The following C4orf50 variants were observed in gnomAD, a reference collection of about 807,000 sequenced individuals.
The protein encoded by C4orf50 is chromosome 4 open reading frame 50.
A neutral mutation model predicts 77.2 loss-of-function variants in C4orf50; 80 were observed. The observed-to-expected ratio is 1.04, with a 90% CI of 0.87 to 1.25. The LOEUF is 1.25. Among genes scored for constraint, C4orf50 ranks in the 50% most tolerant of loss-of-function variants. C4orf50 has a pLI of 0.00. For synonymous variants in C4orf50, 532 were observed against 465.3 expected (o/e 1.14, Z -1.84); for missense variants, 1,257 against 1,152.9 (o/e 1.09, Z -1.31).
Position 6,017,897 on chromosome 4 carries a change from GCCT to G in C4orf50, c.287+245_287+247del, listed in dbSNP as rs1560607866. On this transcript the variant is annotated intron_variant, in intron 23 of 33. Transcript: ENST00000531445. This position sits in a 1 kb window ranked among gnomAD's most constrained non-coding sequence, Gnocchi z 4.7. ...TCTCCCTGCCTCCCTCCGTTTCAGG[GCCT>G]CCCATTGGCTGCACCTAAATGGAAG... 6.6e-6 allele frequency among the ~76,000 whole-genome samples: 1 copy of G among 152,112 alleles called. No homozygotes were observed. Among genetic ancestry groups the G allele is most frequent in the Non-Finnish European group, 1.5e-5 (1 of 68,010 alleles).
In C4orf50 at chr4:5,916,532, C is replaced by T. The variant is rs1049941000; in HGVS notation, c.*2475-18344G>A. ...GTTGCCTTCAGGGCAGGGTGACTCA[C>T]CCAAGGGCAAAGCTATTACTCTGCA... On this transcript the variant is annotated intron_variant, in intron 7 of 7. Transcript: ENST00000324058. This position sits in a 1 kb window ranked among gnomAD's most constrained non-coding sequence, Gnocchi z 4.4. Among the ~76,000 whole-genome samples the T allele has an allele frequency of 1.3e-5, 2 of 152,166 alleles. No individual in the cohort carries two copies. The highest frequency in any genetic ancestry group is 6.5e-5 in the Admixed American group (1 of 15,276).
intron 7 of C4orf50, among the ~76,000 whole-genome samples, chr4:5,925,472 C>T (rs561712083): frequency 3.0e-4 from 45 of 152,202 alleles, no homozygotes; most frequent in Non-Finnish European, 5.4e-4. Context: ...GCCTCAGGAC[C>T]GATGGTCACC....
intron 7 of C4orf50, among the ~76,000 whole-genome samples, chr4:5,940,585 T>C (rs1718217848): frequency 1.3e-5 from 2 of 152,178 alleles, no homozygotes; most frequent in African/African-American, 2.4e-5. Context: ...TTCCTGCCAG[T>C]GAAGGACTGT....
In C4orf50 at chr4:5,905,817, A is replaced by T. The variant is rs1430732350; in HGVS notation, c.*2475-7629T>A. On this transcript the variant is annotated intron_variant, in intron 7 of 7. Transcript: ENST00000324058. This position sits in a 1 kb window ranked among gnomAD's most constrained non-coding sequence, Gnocchi z 5.4. The stretch of plus-strand genomic sequence containing the variant: ...GAAGGTTGAGAACAACTGAAGAAGA[A>T]AGACAAACTGGGGTGCTCTGGGATG... Among the ~76,000 whole-genome samples the T allele has an allele frequency of 6.6e-6, 1 of 152,158 alleles. No individual in the cohort carries two copies. Among genetic ancestry groups the T allele is most frequent in the Non-Finnish European group, 1.5e-5 (1 of 68,038 alleles).
intron 30 of C4orf50, among the ~76,000 whole-genome samples, chr4:5,974,072 GTCTAGGC>G (rs1720109981): frequency 6.6e-6 from 1 of 152,216 alleles, no homozygotes; most frequent in Admixed American, 6.5e-5. Context: ...TTTCCATGGG[GTCTAGGC>G]TCAAGGCAGC....
chr4:5,993,037 C>T (rs73212661), intron 26 of C4orf50, 107 bp from the exon 5 acceptor site: 10 of 396,578 alleles, frequency 2.5e-5, no homozygotes, highest in Non-Finnish European at 4.0e-5. Flanking sequence ...GGCACCCCCC[C>T]CACCCCCGAC....
At chr4:5,998,136 A>G (rs1721676882) in intron 25 of C4orf50, among the ~76,000 whole-genome samples, 1 of 152,200 alleles carries the variant, frequency 6.6e-6, no homozygotes, top group African/African-American at 2.4e-5. Flanking sequence ...CCAAAGGGAT[A>G]TGTTCATTTA....
chr4:5,954,527 T>C (rs574040758), downstream of C4orf50, among the ~76,000 whole-genome samples: 56 of 151,912 alleles, frequency 3.7e-4, no homozygotes, highest in East Asian at 8.9e-3. This position sits in a 1 kb window ranked among gnomAD's most constrained non-coding sequence, Gnocchi z 4.7. Context: ...ACTGGGAGGA[T>C]GGGGGAGGGG....
At chr4:5,941,359 A>C (rs1380905452) in intron 7 of C4orf50, among the ~76,000 whole-genome samples, 1 of 152,180 alleles carries the variant, frequency 6.6e-6, no homozygotes, top group Admixed American at 6.5e-5. Flanking sequence ...TGCCAGCAGC[A>C]GAGCTGAGAC....
intron 25 of C4orf50, among the ~76,000 whole-genome samples, chr4:6,003,780 A>ATAG: frequency 1.1e-5 from 1 of 92,572 alleles, no homozygotes; most frequent in Non-Finnish European, 2.1e-5. Context: ...GATGGTGATG[A>ATAG]TGGTGATGGT....
chr4:5,934,166 A>C (rs932066269), intron 7 of C4orf50, among the ~76,000 whole-genome samples: 2 of 151,968 alleles, frequency 1.3e-5, no homozygotes, highest in Non-Finnish European at 1.5e-5. Flanking sequence ...TGAGCAGCTC[A>C]CTGGATGGCT....
At chr4:5,947,344 G>C (rs1311319013) in intron 7 of C4orf50, among the ~76,000 whole-genome samples, 1 of 152,158 alleles carries the variant, frequency 6.6e-6, no homozygotes, top group Non-Finnish European at 1.5e-5. Flanking sequence ...TTGTTAAGAA[G>C]AACTCAATGC....
intron 7 of C4orf50, chr4:5,902,781 T>C (rs1043075025): frequency 1.3e-5 from 2 of 152,154 alleles, no homozygotes; most frequent in South Asian, 2.1e-4. Context: ...TTCACAATAC[T>C]TCACGAGGCT....
At chr4:5,988,622 G>C in exon 28 of C4orf50, 1 of 1,536,168 alleles carries the variant, frequency 6.5e-7, no homozygotes, top group Non-Finnish European at 8.7e-7. Context: ...GAAAGCAGCT[G>C]TCCTGTGAGT....
At chr4:5,898,000 A>AT (rs1476734848) in exon 8 of C4orf50, 1 of 152,246 alleles carries the variant, frequency 6.6e-6, no homozygotes, top group Non-Finnish European at 1.5e-5. Context: ...GAGTTTATGA[A>AT]TGAGGGCGCA....
intron 7 of C4orf50, among the ~76,000 whole-genome samples, chr4:5,943,821 T>A (rs900797634): frequency 6.6e-6 from 1 of 152,320 alleles, no homozygotes; most frequent in East Asian, 1.9e-4. Context: ...CTGTGTAAGA[T>A]TAGACTCATC....
At chr4:5,967,960 G>A (rs747687522) in intron 31 of C4orf50, among the ~76,000 whole-genome samples, 30 of 152,186 alleles carry the variant, frequency 2.0e-4, no homozygotes, top group Non-Finnish European at 3.7e-4. Flanking sequence ...CTGGTTGGCC[G>A]ACGGCCCCCA....
chr4:5,986,313 A>G (rs1720853034), intron 28 of C4orf50, among the ~76,000 whole-genome samples: 1 of 152,234 alleles, frequency 6.6e-6, no homozygotes, highest in Non-Finnish European at 1.5e-5. Flanking sequence ...TCTGACAGCA[A>G]TGAAATAAAA....
chr4:6,001,339 A>G (rs540340135), intron 25 of C4orf50, among the ~76,000 whole-genome samples: 3 of 152,296 alleles, frequency 2.0e-5, no homozygotes, highest in Admixed American at 6.5e-5. Flanking sequence ...TAGTAGAGAC[A>G]GGGTTTCACC....
Sources: allele counts gnomAD v4.1 joint callset (sites outside exome capture counted in the v4.1 genomes callset), GRCh38; gene constraint gnomAD v4.1.1; non-coding constraint Gnocchi (gnomAD v3.1); transcripts MANE v1.5; gene names NCBI Gene and HGNC (gene_info 2026-07-23, HGNC 2026-07-21).